FNTB: variants seen among roughly 807,000 people sequenced by gnomAD.
The protein encoded by FNTB is protein farnesyltransferase subunit beta.
FNTB carries 27 observed loss-of-function variants against 59.4 expected under a neutral mutation model. The ratio of observed to expected loss-of-function variants is 0.45; its 90% CI spans 0.34 to 0.63. The LOEUF (loss-of-function observed/expected upper bound fraction) is 0.63, where lower values mean the gene tolerates loss of function less well. FNTB is among the 20% of genes least tolerant of loss of function. FNTB has a pLI of 0.02. For missense variants in FNTB, 449 were observed against 559.6 expected (o/e 0.80, Z 1.99); for synonymous variants, 230 against 220.7 (o/e 1.04, Z -0.37).
intron 11 of FNTB, among the ~76,000 whole-genome samples, chr14:65,059,518 A>G (rs1369931565): frequency 1.3e-5 from 2 of 151,892 alleles, no homozygotes; most frequent in Admixed American, 1.3e-4. Context: ...CCTTAAGTCA[A>G]TTTTGGCAGT....
intron 11 of FNTB, among the ~76,000 whole-genome samples, chr14:65,058,052 T>C (rs1444283842): frequency 6.6e-6 from 1 of 152,202 alleles, no homozygotes; most frequent in Non-Finnish European, 1.5e-5. Flanking sequence ...GCCTGTCAAG[T>C]TCTAATGGGA....
intron 2 of FNTB, among the ~76,000 whole-genome samples, chr14:65,010,843 C>T (rs1292542542): frequency 6.6e-6 from 1 of 152,162 alleles, no homozygotes; most frequent in African/African-American, 2.4e-5. Flanking sequence ...CCACCTGTCA[C>T]TCCTCTTGTA....
At chr14:65,049,670 C>T (rs2062563766) in intron 9 of FNTB, among the ~76,000 whole-genome samples, 2 of 152,106 alleles carry the variant, frequency 1.3e-5, no homozygotes, top group South Asian at 2.1e-4. Flanking sequence ...ATTTTAGCCA[C>T]AGGTTATCAT....
chr14:65,044,452 G>C lies in FNTB; in HGVS notation c.955+9G>C. Reference sequence around the variant, plus strand: ...CGCACTGCACGCCCAAGGTGAGCCTGGGGAGCTGTTCACTTGGGGCTGGAT... The same window carrying C: ...CGCACTGCACGCCCAAGGTGAGCCTCGGGAGCTGTTCACTTGGGGCTGGAT... On this transcript the variant is annotated intron_variant, in intron 9 of 11. Transcript: ENST00000246166. The surrounding 1 kb of genome is among the most constrained non-coding windows in gnomAD (Gnocchi z 5.5). 1 of 1,598,454 alleles carries C rather than the reference G, an allele frequency of 6.3e-7. No homozygotes were observed. The highest frequency in any genetic ancestry group is 8.5e-7 in the Non-Finnish European group (1 of 1,174,438).
chr14:64,992,032 A>C (rs1261829180), intron 1 of FNTB, among the ~76,000 whole-genome samples: 2 of 152,212 alleles, frequency 1.3e-5, no homozygotes, highest in Non-Finnish European at 2.9e-5. Context: ...TTCAGCTTAT[A>C]GGATCCAAAA....
At chr14:65,025,208 T>C (rs1595047728) in intron 4 of FNTB, among the ~76,000 whole-genome samples, 1 of 152,202 alleles carries the variant, frequency 6.6e-6, no homozygotes, top group Non-Finnish European at 1.5e-5. Flanking sequence ...GTGTGTCTGG[T>C]ACATTCAGAT....
intron 1 of FNTB, among the ~76,000 whole-genome samples, chr14:64,988,350 A>G (rs530909451): frequency 6.6e-6 from 1 of 152,232 alleles, no homozygotes; most frequent in East Asian, 1.9e-4. Context: ...TGAAAAACCT[A>G]CAGGATCTTT....
intron 2 of FNTB, among the ~76,000 whole-genome samples, chr14:65,004,962 C>G (rs2139480361): frequency 6.6e-6 from 1 of 152,180 alleles, no homozygotes; most frequent in East Asian, 1.9e-4. Flanking sequence ...TGTGCCCGGC[C>G]CAGATTTTTC....
intron 1 of FNTB, among the ~76,000 whole-genome samples, chr14:64,999,333 C>T (rs1366335879): frequency 6.6e-6 from 1 of 152,082 alleles, no homozygotes; most frequent in Non-Finnish European, 1.5e-5. Flanking sequence ...AGCTACTTAG[C>T]AGGCTGAGGC....
chr14:65,021,943 G>C lies in FNTB; in HGVS notation c.375-5510G>C, dbSNP rs542438001. 254 of 456,054 alleles carry C rather than the reference G, an allele frequency of 5.6e-4. 6 individuals are homozygous for C. The highest frequency in any genetic ancestry group is 3.9e-3 in the South Asian group (251 of 64,562). The allele number at this position is 456,054 out of a possible 1,614,324, so 28.3% of individuals were successfully genotyped here. On this transcript the variant is annotated intron_variant, in intron 4 of 11. Coordinates refer to ENST00000246166, the MANE Select transcript of FNTB (RefSeq NM_002028.4). ...TTATAGGCGTGAGCCACTGCGCCCG[G>C]CCTATAGTAGCCAACTTTCGACCTG...
At position 65,062,283 on chromosome 14, in the gene FNTB, T is replaced by A. The variant is rs1199401731; in HGVS notation, c.*971T>A. 2 of 152,306 alleles carry A rather than the reference T, an allele frequency of 1.3e-5. No homozygotes were observed. Among genetic ancestry groups the A allele is most frequent in the African/African-American group, 4.8e-5 (2 of 41,476 alleles). The allele number at this position is 152,306 out of a possible 1,614,324, so 9.4% of individuals were successfully genotyped here. ...CCTTAACTTATGACTCAGGATTTAT[T>A]CACGTCCTGCCCACTCTAGGCTCAC... On this transcript the variant is annotated 3_prime_UTR_variant, in exon 12 of 12. Transcript: ENST00000246166. This position sits in a 1 kb window ranked among gnomAD's most constrained non-coding sequence, Gnocchi z 4.3.
In FNTB at chr14:65,061,259, C is replaced by A. The variant is rs150971983; in HGVS notation, c.1261C>A (p.Pro421Thr). ...ATTYFLQKPVPGFEELKDETS... is the reference protein window; with the variant it reads ...ATTYFLQKPVTGFEELKDETS... ...TACATACTTTCTACAGAAGCCAGTC[C>A]CAGGTTTTGAGGAGCTTAAGGATGA... Residue 421 changes from proline (P) to threonine (T), a missense_variant, in exon 12 of 12, where the codon CCA becomes ACA. By Grantham distance (38) the Pro-to-Thr change is conservative (BLOSUM62 -1). This residue lies in a region of FNTB where 337 missense variants were observed against 479.1 expected (regional missense o/e 0.70). Coordinates refer to ENST00000246166, the MANE Select transcript of FNTB (RefSeq NM_002028.4). The A allele has an allele frequency of 1.2e-6, 2 of 1,614,138 alleles. No individual in the cohort carries two copies. The highest frequency in any genetic ancestry group is 1.7e-6 in the Non-Finnish European group (2 of 1,180,032).
chr14:65,027,452 G>A lies in FNTB; in HGVS notation c.375-1G>A. The A allele has an allele frequency of 6.2e-7, 1 of 1,614,200 alleles. No homozygotes were observed. The highest frequency in any genetic ancestry group is 1.6e-4 in the Middle Eastern group (1 of 6,062). ...TTTTTGCCCTTTGGCTGTGTACCTA[G>A]TGTGTGTCAGTTCCTGGAGCTGTGT... On this transcript the variant is annotated splice_acceptor_variant, in intron 4 of 11. Coordinates refer to ENST00000246166, the MANE Select transcript of FNTB (RefSeq NM_002028.4). LOFTEE classifies it high-confidence loss of function. This position sits in a 1 kb window ranked among gnomAD's most constrained non-coding sequence, Gnocchi z 5.7.
At chr14:65,055,241 A>G (rs1275601582) in intron 11 of FNTB, among the ~76,000 whole-genome samples, 4 of 152,240 alleles carry the variant, frequency 2.6e-5, no homozygotes, top group African/African-American at 9.6e-5. Flanking sequence ...CTATGAGGGC[A>G]GGATGCTCAC....
chr14:65,025,574 G>GTCT (rs2061964499), intron 4 of FNTB, among the ~76,000 whole-genome samples: 1 of 152,198 alleles, frequency 6.6e-6, no homozygotes, highest in African/African-American at 2.4e-5. Context: ...CAGCACTTTG[G>GTCT]GAGTCCGAGG....
chr14:65,015,589 G>C, intron 3 of FNTB, 36 bp from the exon 4 acceptor site: 1 of 1,611,186 alleles, frequency 6.2e-7, no homozygotes, highest in Non-Finnish European at 8.5e-7. Context: ...GAGTGATTGT[G>C]AATAAGGGAT....
chr14:65,041,489 A>T lies in FNTB; in HGVS notation c.822+570A>T, dbSNP rs181107413. ...AGTTAAATGATCAGTGGGTGCACAAACACACACACCTCCACGGCCACCAGG... is the reference window on the plus strand; with the variant it reads ...AGTTAAATGATCAGTGGGTGCACAATCACACACACCTCCACGGCCACCAGG... On this transcript the variant is annotated intron_variant, in intron 8 of 11. Transcript: ENST00000246166. Among the ~76,000 whole-genome samples, 341 of 152,258 alleles carry T rather than the reference A, an allele frequency of 2.2e-3. 1 individual carries two copies. Among genetic ancestry groups the T allele is most frequent in the Non-Finnish European group, 3.1e-3 (210 of 68,006 alleles).
chr14:65,034,237 C>T (rs1436235380), intron 7 of FNTB, among the ~76,000 whole-genome samples: 1 of 152,220 alleles, frequency 6.6e-6, no homozygotes, highest in East Asian at 1.9e-4. Flanking sequence ...TTGCTCTCAG[C>T]TTGCTACACA....
In FNTB at chr14:65,027,360, G is replaced by A; in HGVS notation, c.375-93G>A. The A allele has an allele frequency of 6.4e-7, 1 of 1,560,126 alleles. No individual in the cohort carries two copies. Among genetic ancestry groups the A allele is most frequent in the Non-Finnish European group, 8.7e-7 (1 of 1,152,816 alleles). On this transcript the variant is annotated intron_variant, in intron 4 of 11. Transcript: ENST00000246166. The surrounding 1 kb of genome is among the most constrained non-coding windows in gnomAD (Gnocchi z 5.7). ...TCCCCTCAACTTTTGAGGGAGTGGGGGATCATTGGAAAGGCCTGGAATCTA... is the reference window on the plus strand; with the variant it reads ...TCCCCTCAACTTTTGAGGGAGTGGGAGATCATTGGAAAGGCCTGGAATCTA...
Sources: allele counts gnomAD v4.1 joint callset (sites outside exome capture counted in the v4.1 genomes callset), GRCh38; gene constraint gnomAD v4.1.1; regional missense constraint gnomAD v4.1.1; non-coding constraint Gnocchi (gnomAD v3.1); transcripts MANE v1.5; gene names NCBI Gene and HGNC (gene_info 2026-07-23, HGNC 2026-07-21).